The following ARHGAP44 variants were observed in gnomAD, a reference collection of about 807,000 sequenced individuals.
ARHGAP44 encodes rho GTPase-activating protein 44.
ARHGAP44 carries 43 observed loss-of-function variants against 106.8 expected under a neutral mutation model. The observed-to-expected ratio is 0.40, with a 90% confidence interval of 0.32 to 0.52. ARHGAP44 has a LOEUF of 0.52. Ranked by LOEUF, ARHGAP44 falls within the 20% of genes least tolerant of loss-of-function variation. The pLI is 0.48. For synonymous variants in ARHGAP44, 439 were observed against 410.3 expected, an observed-to-expected ratio of 1.07 and a Z score of -0.85; for missense variants, 866 against 1,050.5, an observed-to-expected ratio of 0.82 and a Z score of 2.43.
rs114817656 is a variant in ARHGAP44 at position 12,943,704 on chromosome 17, G to A, written c.733+35G>A. The A allele has an allele frequency of 1.1e-3, 1,718 of 1,599,376 alleles. 10 individuals are homozygous for A. In the African/African-American group the frequency reaches 0.014, roughly 13 times the overall value. On this transcript the variant is annotated intron_variant, in intron 9 of 20. Transcript: ENST00000379672. ...GGCCTTCCCTGGAGAAGGGAGGGCC[G>A]GGGTGCCTGCTTGCCTTCCCGGATG...
intron 1 of ARHGAP44, among the ~76,000 whole-genome samples, chr17:12,802,969 ATTTTTTTT>A (rs1162376884): frequency 2.4e-5 from 1 of 40,848 alleles, no homozygotes; most frequent in Non-Finnish European, 4.5e-5. Context: ...ATATATATAT[ATTTTTTTT>A]TTTTTTTTTT....
chr17:12,879,059 C>A (rs2150895464), intron 1 of ARHGAP44, among the ~76,000 whole-genome samples: 1 of 152,228 alleles, frequency 6.6e-6, no homozygotes, highest in East Asian at 1.9e-4. Flanking sequence ...GTGGTGATTT[C>A]TGAGATTTTG....
chr17:12,834,841 C>CTTAT (rs953387167), intron 1 of ARHGAP44, among the ~76,000 whole-genome samples: 5 of 151,534 alleles, frequency 3.3e-5, no homozygotes, highest in Non-Finnish European at 5.9e-5. Context: ...CTAGCATCTC[C>CTTAT]TTATTATTAA....
At chr17:12,813,214 G>T (rs539031617) in intron 1 of ARHGAP44, among the ~76,000 whole-genome samples, 1 of 152,044 alleles carries the variant, frequency 6.6e-6, no homozygotes, top group African/African-American at 2.4e-5. Flanking sequence ...GAAATTGAAC[G>T]GTTTTCTCAC....
chr17:12,825,161 C>T (rs1024100479), intron 1 of ARHGAP44, among the ~76,000 whole-genome samples: 33 of 152,038 alleles, frequency 2.2e-4, no homozygotes, highest in Admixed American at 1.3e-4. Context: ...TTCAGCCTCC[C>T]GAGTAACTGG....
intron 1 of ARHGAP44, among the ~76,000 whole-genome samples, chr17:12,866,556 C>A (rs2036244867): frequency 6.6e-6 from 1 of 152,080 alleles, no homozygotes; most frequent in Non-Finnish European, 1.5e-5. Context: ...GGCCGGGGCC[C>A]TGGAAATTAG....
intron 3 of ARHGAP44, among the ~76,000 whole-genome samples, chr17:12,902,895 T>C (rs1371145967): frequency 2.0e-5 from 3 of 151,996 alleles, no homozygotes; most frequent in Admixed American, 1.3e-4. Flanking sequence ...AAGTAAATAT[T>C]AAAGAAGTGT....
chr17:12,896,987 A>C (rs16946773), intron 3 of ARHGAP44, among the ~76,000 whole-genome samples: 88,673 of 152,136 alleles, frequency 0.58, 26,323 homozygotes, highest in Admixed American at 0.64. Context: ...GAGACACAAT[A>C]AAAAGAGCCT....
intron 7 of ARHGAP44, among the ~76,000 whole-genome samples, chr17:12,938,853 C>T (rs932857723): frequency 1.3e-5 from 2 of 152,102 alleles, no homozygotes; most frequent in South Asian, 2.1e-4. Context: ...ACACAGTAAT[C>T]CAATCATGCC....
Position 12,980,092 on chromosome 17 carries a change from G to C in ARHGAP44, c.1798G>C (p.Ala600Pro). The change falls in exon 19 of 21, where the codon GCA becomes CCA. Residue 600 changes from alanine (A) to proline (P), a missense_variant. This residue lies in a region of ARHGAP44 where 418 missense variants were observed against 403.6 expected (regional missense o/e 1.04). Transcript: ENST00000379672. ...TKSKELSPGS[A>P]QKGSPGSSQG... Reference sequence around the variant, plus strand: ...AAGCAAGGAACTTTCTCCAGGCTCTGCACAGAAAGGAAGTCCAGGCTCCAG... The same window carrying C: ...AAGCAAGGAACTTTCTCCAGGCTCTCCACAGAAAGGAAGTCCAGGCTCCAG... 6.2e-7 allele frequency: 1 copy of C among 1,613,292 alleles called. No homozygotes were observed. The highest frequency in any genetic ancestry group is 8.5e-7 in the Non-Finnish European group (1 of 1,179,462).
intron 1 of ARHGAP44, among the ~76,000 whole-genome samples, chr17:12,890,802 C>T (rs1947151381): frequency 1.3e-5 from 2 of 152,122 alleles, no homozygotes; most frequent in Non-Finnish European, 1.5e-5. Context: ...ATTTTCTCTC[C>T]TCTTGCATCT....
chr17:12,842,911 T>A (rs1036026115), intron 1 of ARHGAP44, among the ~76,000 whole-genome samples: 3 of 152,160 alleles, frequency 2.0e-5, no homozygotes, highest in Non-Finnish European at 4.4e-5. Flanking sequence ...CCACGCAGGC[T>A]CCTGGTCACT....
chr17:12,822,378 AG>A (rs1181240083), intron 1 of ARHGAP44, among the ~76,000 whole-genome samples: 1 of 152,122 alleles, frequency 6.6e-6, no homozygotes, highest in African/African-American at 2.4e-5. Flanking sequence ...TTTGGTGTGT[AG>A]GTTATAGTTT....
At chr17:12,875,883 G>A (rs113074992) in intron 1 of ARHGAP44, among the ~76,000 whole-genome samples, 18,052 of 152,064 alleles carry the variant, frequency 0.12, 2,930 homozygotes, top group African/African-American at 0.37. Flanking sequence ...GGTGGAGTTT[G>A]CAGTGAGCTG....
In ARHGAP44 at chr17:12,949,192, C is replaced by A; in HGVS notation, c.914C>A (p.Ala305Asp). The change falls in exon 11 of 21, where the codon GCC becomes GAC. Residue 305 changes from alanine (A) to aspartate (D), a missense_variant. Coordinates refer to ENST00000379672, the MANE Select transcript of ARHGAP44 (RefSeq NM_014859.6). This position sits in a 1 kb window ranked among gnomAD's most constrained non-coding sequence, Gnocchi z 4.1. The part of the protein sequence containing the change: ...SASKLKKLKA[A>D]LDCCVVDVQE... ...TCCAAACTGAAGAAGCTGAAAGCGG[C>A]CCTGGACTGCTGCGTGGTGGATGTG... 6.3e-7 allele frequency: 1 copy of A among 1,582,880 alleles called. No individual in the cohort carries two copies. The highest frequency in any genetic ancestry group is 8.6e-7 in the Non-Finnish European group (1 of 1,164,680).
intron 3 of ARHGAP44, among the ~76,000 whole-genome samples, chr17:12,899,355 G>T (rs557776177): frequency 2.6e-5 from 4 of 152,154 alleles, no homozygotes; most frequent in East Asian, 1.9e-4. Flanking sequence ...CTGAATAAAT[G>T]GTCTGAAAGT....
At chr17:12,869,545 G>T (rs935046905) in intron 1 of ARHGAP44, among the ~76,000 whole-genome samples, 1 of 151,570 alleles carries the variant, frequency 6.6e-6, no homozygotes, top group Non-Finnish European at 1.5e-5. Flanking sequence ...TTACATTGTT[G>T]TGCAGCCATT....
chr17:12,887,158 A>G lies in ARHGAP44; in HGVS notation c.54-7782A>G, dbSNP rs61583568. ...ATAAATCCCACTTGGTTTGTTATTC[A>G]TAATGGTGAATTAGTCATACATAAT... On this transcript the variant is annotated intron_variant, in intron 1 of 20. Coordinates refer to ENST00000379672, the MANE Select transcript of ARHGAP44 (RefSeq NM_014859.6). Among the ~76,000 whole-genome samples the G allele has an allele frequency of 4.5e-3, 691 of 152,284 alleles. 11 individuals carry two copies. The highest frequency in any genetic ancestry group is 0.045 in the East Asian group (231 of 5,188).
intron 1 of ARHGAP44, among the ~76,000 whole-genome samples, chr17:12,853,220 C>T (rs773838465): frequency 1.2e-4 from 18 of 152,100 alleles, no homozygotes; most frequent in Non-Finnish European, 1.9e-4. Context: ...GTCTGATGTT[C>T]GAGGGCAGGA....
Sources: gnomAD v4.1 joint callset for allele counts (sites outside exome capture counted in the v4.1 genomes callset) on GRCh38, gnomAD v4.1.1 for gene constraint, gnomAD v4.1.1 regional missense constraint, Gnocchi (gnomAD v3.1) non-coding constraint, MANE v1.5 for transcripts, NCBI Gene and HGNC (gene_info 2026-07-23, HGNC 2026-07-21) for gene names.